The following AGBL4 variants were observed in gnomAD, a reference collection of about 807,000 sequenced individuals.
AGBL4 encodes the protein cytosolic carboxypeptidase 6.
AGBL4 carries 58 observed loss-of-function variants against 66.4 expected under a neutral mutation model. The ratio of observed to expected loss-of-function variants is 0.87; its 90% CI spans 0.71 to 1.09. The LOEUF is 1.09. Ranked by LOEUF, AGBL4 falls within the 50% of genes least tolerant of loss-of-function variation. The probability of loss-of-function intolerance (pLI) is 0.00; values close to 1 mark genes in which losing one functional copy is unlikely to be tolerated. For synonymous variants in AGBL4, 234 were observed against 222.9 expected (o/e 1.05, Z -0.44); for missense variants, 579 against 631.0 (o/e 0.92, Z 0.88).
rs1407919720 is a variant in AGBL4 at position 49,919,874 on chromosome 1, G to A, written c.35-68356C>T. ...CTACAGTAACCAAAACAGCATGGTA[G>A]TGGTACCAAAACAGAGATATAGATC... is the stretch of plus-strand genomic sequence containing the variant. On this transcript the variant is annotated intron_variant, in intron 1 of 13. Coordinates refer to ENST00000371839, the MANE Select transcript of AGBL4 (RefSeq NM_032785.4). 2.0e-5 allele frequency among the ~76,000 whole-genome samples: 3 copies of A among 152,118 alleles called. No homozygotes were observed. In the South Asian group the frequency reaches 6.2e-4, roughly 32 times the overall value.
chr1:49,881,384 T>A (rs920204001), intron 1 of AGBL4, among the ~76,000 whole-genome samples: 4 of 152,154 alleles, frequency 2.6e-5, no homozygotes, highest in African/African-American at 7.2e-5. Context: ...TGATTTATAG[T>A]CCTCTGGGTA....
intron 4 of AGBL4, among the ~76,000 whole-genome samples, chr1:49,091,655 T>G (rs1645005632): frequency 6.6e-6 from 1 of 152,122 alleles, no homozygotes; most frequent in Non-Finnish European, 1.5e-5. Context: ...GAATTTTAAT[T>G]CAACCCAGAA....
At chr1:48,694,328 A>C (rs761864268) in intron 6 of AGBL4, among the ~76,000 whole-genome samples, 15 of 152,212 alleles carry the variant, frequency 9.9e-5, no homozygotes, top group Non-Finnish European at 1.9e-4. Context: ...GTTTTAAAAA[A>C]AGCATCATGG....
chr1:49,949,971 T>TAC (rs1373457644), intron 1 of AGBL4, among the ~76,000 whole-genome samples: 4 of 146,070 alleles, frequency 2.7e-5, no homozygotes, highest in East Asian at 4.1e-4. Context: ...TATATATATA[T>TAC]ATACACACAT....
chr1:49,287,691 A>G (rs1196370448), intron 3 of AGBL4, among the ~76,000 whole-genome samples: 1 of 151,910 alleles, frequency 6.6e-6, no homozygotes, highest in Non-Finnish European at 1.5e-5. Context: ...TTAGAATGGC[A>G]ATCATCAAAA....
chr1:49,084,536 C>T (rs1571407088), intron 4 of AGBL4, among the ~76,000 whole-genome samples: 2 of 152,308 alleles, frequency 1.3e-5, no homozygotes, highest in East Asian at 3.9e-4. Flanking sequence ...GACTTACTGA[C>T]TACCATGAGA....
At chr1:49,604,827 C>T (rs1431310100) in intron 3 of AGBL4, among the ~76,000 whole-genome samples, 1 of 152,104 alleles carries the variant, frequency 6.6e-6, no homozygotes, top group East Asian at 1.9e-4. Context: ...CATCTCTTCT[C>T]AGGCATAATA....
intron 6 of AGBL4, among the ~76,000 whole-genome samples, chr1:48,838,019 C>A (rs1646723251): frequency 6.6e-6 from 1 of 151,710 alleles, no homozygotes; most frequent in Admixed American, 6.6e-5. Flanking sequence ...AACTGGCAGA[C>A]CAAGTAGGCA....
chr1:49,001,025 A>G (rs750981589), intron 5 of AGBL4, among the ~76,000 whole-genome samples: 9 of 152,222 alleles, frequency 5.9e-5, no homozygotes, highest in African/African-American at 2.2e-4. Flanking sequence ...CAACTATATC[A>G]TCTTTAATGA....
At chr1:49,656,205 C>A (rs1041096379) in intron 3 of AGBL4, among the ~76,000 whole-genome samples, 12 of 151,680 alleles carry the variant, frequency 7.9e-5, no homozygotes, top group African/African-American at 2.7e-4. Context: ...ATATGAACTA[C>A]CATCAGAGAA....
chr1:48,725,105 TAAG>T (rs1326754034), intron 6 of AGBL4, among the ~76,000 whole-genome samples: 2 of 152,280 alleles, frequency 1.3e-5, no homozygotes, highest in East Asian at 3.9e-4. Flanking sequence ...CTCAGTTACT[TAAG>T]AAGAAATTTA....
intron 1 of AGBL4, among the ~76,000 whole-genome samples, chr1:49,937,166 CA>C (rs1027077654): frequency 9.9e-5 from 15 of 151,258 alleles, no homozygotes; most frequent in African/African-American, 3.6e-4. Context: ...AAATGGAAAA[CA>C]AAAAAAGGCA....
chr1:49,245,991 G>T, intron 3 of AGBL4, 127 bp from the exon 4 acceptor site: 1 of 652,298 alleles, frequency 1.5e-6, no homozygotes, highest in Non-Finnish European at 2.7e-6. Context: ...TGTATAGTGA[G>T]AGTACACAGT....
intron 4 of AGBL4, among the ~76,000 whole-genome samples, chr1:49,118,216 C>T (rs1297975786): frequency 6.6e-6 from 1 of 152,162 alleles, no homozygotes; most frequent in Non-Finnish European, 1.5e-5. Flanking sequence ...ATTTCTCTCT[C>T]TTGCCTGATT....
chr1:49,406,451 T>C (rs953317166), intron 3 of AGBL4, among the ~76,000 whole-genome samples: 6 of 152,182 alleles, frequency 3.9e-5, no homozygotes, highest in African/African-American at 1.2e-4. Context: ...AAGATGTTCG[T>C]TGAAGCATTA....
chr1:48,668,856 T>A (rs1387647318), intron 6 of AGBL4, among the ~76,000 whole-genome samples: 7 of 152,248 alleles, frequency 4.6e-5, no homozygotes, highest in South Asian at 2.1e-4. Flanking sequence ...TTGAGTATAA[T>A]TTTATGAGAA....
intron 2 of AGBL4, among the ~76,000 whole-genome samples, chr1:49,707,952 T>C (rs553641587): frequency 1.6e-4 from 25 of 152,202 alleles, no homozygotes; most frequent in Non-Finnish European, 3.2e-4. Flanking sequence ...CTTGTGTAGG[T>C]AACCTAATCT....
intron 4 of AGBL4, among the ~76,000 whole-genome samples, chr1:49,129,156 T>C (rs1557664733): frequency 6.6e-6 from 1 of 151,982 alleles, no homozygotes; most frequent in East Asian, 1.9e-4. Context: ...CATTGAATAC[T>C]ACTACATACC....
chr1:49,854,322 A>G (rs1339055525), intron 1 of AGBL4, among the ~76,000 whole-genome samples: 5 of 152,000 alleles, frequency 3.3e-5, no homozygotes, highest in Non-Finnish European at 4.4e-5. Flanking sequence ...GAAAGGAGAG[A>G]GAAGTGAAGC....
Sources: gnomAD v4.1 joint callset for allele counts (sites outside exome capture counted in the v4.1 genomes callset) on GRCh38, gnomAD v4.1.1 for gene constraint, MANE v1.5 for transcripts, NCBI Gene and HGNC (gene_info 2026-07-23, HGNC 2026-07-21) for gene names.